RIMS2: variants seen among roughly 807,000 people sequenced by gnomAD.
RIMS2 encodes regulating synaptic membrane exocytosis protein 2.
Under a neutral mutation model 174.4 loss-of-function variants are expected in RIMS2, and 59 were observed. The observed-to-expected ratio is 0.34, with a 90% CI of 0.27 to 0.42. The LOEUF is 0.42. RIMS2 is among the 10% of genes least tolerant of loss of function. The probability of loss-of-function intolerance (pLI) is 1.00; values close to 1 mark genes in which losing one functional copy is unlikely to be tolerated. For missense variants in RIMS2, 1,620 were observed against 1,666.3 expected, an observed-to-expected ratio of 0.97 and a Z score of 0.48; for synonymous variants, 606 against 572.5, an observed-to-expected ratio of 1.06 and a Z score of -0.84.
intron 16 of RIMS2, among the ~76,000 whole-genome samples, chr8:103,984,770 T>C (rs2094211059): frequency 6.6e-6 from 1 of 152,202 alleles, no homozygotes. Context: ...GCAGTACTGT[T>C]CACAATAGCC....
chr8:104,085,652 G>A lies in RIMS2; in HGVS notation c.3334+71037G>A, dbSNP rs940014254. On this transcript the variant is annotated intron_variant, in intron 19 of 23. Coordinates refer to ENST00000504942, the Ensembl canonical transcript of RIMS2. ...GACCAAGGACCCATTCATAACCCCCGATAGCTAAATATTTAGATAATATTT... is the reference window on the plus strand; with the variant it reads ...GACCAAGGACCCATTCATAACCCCCAATAGCTAAATATTTAGATAATATTT... 1.2e-4 allele frequency among the ~76,000 whole-genome samples: 19 copies of A among 152,114 alleles called. No homozygotes were observed. In the South Asian group the frequency reaches 1.7e-3, roughly 13 times the overall value.
chr8:103,647,521 T>C (rs554197545), intron 1 of RIMS2, among the ~76,000 whole-genome samples: 2 of 152,292 alleles, frequency 1.3e-5, no homozygotes, highest in African/African-American at 4.8e-5. Flanking sequence ...TTTGTACCTC[T>C]GGTAGAATTC....
At chr8:104,109,540 A>G (rs1265648410) in intron 19 of RIMS2, among the ~76,000 whole-genome samples, 1 of 152,168 alleles carries the variant, frequency 6.6e-6, no homozygotes, top group African/African-American at 2.4e-5. Flanking sequence ...TAATGCCCTC[A>G]AGGCACTTAA....
At chr8:103,691,058 G>T (rs2097017421) in intron 1 of RIMS2, among the ~76,000 whole-genome samples, 2 of 152,186 alleles carry the variant, frequency 1.3e-5, no homozygotes, top group African/African-American at 4.8e-5. Context: ...TCTGCTGCCA[G>T]ACATACTGGA....
chr8:104,219,622 G>A (rs1304575309), intron 19 of RIMS2, among the ~76,000 whole-genome samples: 1 of 151,904 alleles, frequency 6.6e-6, no homozygotes, highest in African/African-American at 2.4e-5. Flanking sequence ...TGATTTTTAT[G>A]TTTAATAGTG....
At chr8:103,887,508 T>A (rs1230829020) in intron 4 of RIMS2, among the ~76,000 whole-genome samples, 1 of 151,636 alleles carries the variant, frequency 6.6e-6, no homozygotes, top group Non-Finnish European at 1.5e-5. Flanking sequence ...ATCTCATTTT[T>A]AAATTATTTT....
chr8:103,773,819 A>G (rs2098280191), intron 3 of RIMS2, among the ~76,000 whole-genome samples: 1 of 152,116 alleles, frequency 6.6e-6, no homozygotes, highest in Non-Finnish European at 1.5e-5. Flanking sequence ...GACAACACTT[A>G]CCTTTTGTGA....
intron 19 of RIMS2, among the ~76,000 whole-genome samples, chr8:104,207,730 T>A (rs2099086979): frequency 6.6e-6 from 1 of 151,816 alleles, no homozygotes; most frequent in South Asian, 2.1e-4. Context: ...GGAGAATTGC[T>A]TGAACTCAGG....
At chr8:103,776,421 G>A (rs180758667) in intron 3 of RIMS2, among the ~76,000 whole-genome samples, 1 of 152,102 alleles carries the variant, frequency 6.6e-6, no homozygotes, top group Non-Finnish European at 1.5e-5. Flanking sequence ...TAAGGTTGTT[G>A]GAGATTATAA....
At chr8:104,148,791 G>T (rs773447196) in intron 19 of RIMS2, 2 of 1,598,424 alleles carry the variant, frequency 1.3e-6, no homozygotes, top group Non-Finnish European at 1.7e-6. Flanking sequence ...TGCCAAAATG[G>T]TAGCTATCGT....
intron 13 of RIMS2, among the ~76,000 whole-genome samples, chr8:103,937,391 C>T (rs1028889391): frequency 6.6e-6 from 1 of 152,160 alleles, no homozygotes; most frequent in Non-Finnish European, 1.5e-5. Flanking sequence ...GACTGTACCA[C>T]TAATAAGTAG....
chr8:104,188,691 T>C (rs1376457032), intron 19 of RIMS2, among the ~76,000 whole-genome samples: 2 of 151,864 alleles, frequency 1.3e-5, no homozygotes, highest in African/African-American at 2.4e-5. Flanking sequence ...CACAAACTTA[T>C]AGAGTATGAT....
intron 3 of RIMS2, among the ~76,000 whole-genome samples, chr8:103,844,526 C>T (rs2098957824): frequency 6.6e-6 from 1 of 152,064 alleles, no homozygotes. Flanking sequence ...GTTTTCAAGT[C>T]CTCTCTTTTA....
chr8:103,696,962 T>G, intron 1 of RIMS2, 124 bp from the exon 4 acceptor site: 2 of 629,568 alleles, frequency 3.2e-6, no homozygotes, highest in Non-Finnish European at 5.7e-6. Context: ...AAAATTAAAT[T>G]TTCATTCTTT....
intron 19 of RIMS2, among the ~76,000 whole-genome samples, chr8:104,088,630 T>A (rs889278635): frequency 6.6e-6 from 1 of 152,032 alleles, no homozygotes; most frequent in African/African-American, 2.4e-5. Context: ...TCTGGTGAGA[T>A]TTATTGAAGA....
chr8:103,689,061 T>TTTG (rs1340446279), intron 1 of RIMS2, among the ~76,000 whole-genome samples: 1 of 152,124 alleles, frequency 6.6e-6, no homozygotes, highest in African/African-American at 2.4e-5. Context: ...TCCATTTTTC[T>TTTG]TTGTCTCAAG....
At chr8:103,558,666 C>T (rs915300400) in intron 1 of RIMS2, among the ~76,000 whole-genome samples, 9 of 151,530 alleles carry the variant, frequency 5.9e-5, no homozygotes, top group African/African-American at 2.2e-4. Context: ...TTTTTTTAAA[C>T]AGGATTTTTC....
chr8:103,697,359 A>G, intron 2 of RIMS2, 63 bp downstream of exon 4: 3 of 1,242,322 alleles, frequency 2.4e-6, no homozygotes, highest in Admixed American at 1.7e-5. Context: ...TATTCACGTT[A>G]GAGAGTATGT....
At chr8:103,937,169 A>G (rs2081468144) in intron 13 of RIMS2, among the ~76,000 whole-genome samples, 2 of 152,146 alleles carry the variant, frequency 1.3e-5, no homozygotes, top group African/African-American at 4.8e-5. Context: ...CTGCAAAGGT[A>G]GGCACAATTT....
Sources: gnomAD v4.1 joint callset for allele counts (sites outside exome capture counted in the v4.1 genomes callset) on GRCh38, gnomAD v4.1.1 for gene constraint, MANE v1.5 for transcripts, NCBI Gene and HGNC (gene_info 2026-07-23, HGNC 2026-07-21) for gene names.